PRPSAP1: variants seen among roughly 807,000 people sequenced by gnomAD.
The protein encoded by PRPSAP1 is phosphoribosyl pyrophosphate synthetase associated protein 1, also known as phosphoribosyl pyrophosphate synthase-associated protein 1.
A neutral mutation model predicts 39.4 loss-of-function variants in PRPSAP1; 31 were observed. That is an observed-to-expected ratio of 0.79 (90% confidence interval 0.59 to 1.06). The LOEUF (loss-of-function observed/expected upper bound fraction) is 1.06. PRPSAP1 is among the 50% of genes least tolerant of loss of function. The probability of loss-of-function intolerance (pLI) is 0.00; values close to 1 mark genes in which losing one functional copy is unlikely to be tolerated. For missense variants in PRPSAP1, 430 were observed against 511.6 expected (o/e 0.84, Z 1.54); for synonymous variants, 212 against 192.6 (o/e 1.10, Z -0.83).
At chr17:76,350,635 G>C (rs942340758) in intron 1 of PRPSAP1, among the ~76,000 whole-genome samples, 1 of 152,204 alleles carries the variant, frequency 6.6e-6, no homozygotes, top group Non-Finnish European at 1.5e-5. Flanking sequence ...AATGGGTACA[G>C]AGTTTCTGTT....
chr17:76,318,742 T>C (rs937515118), intron 7 of PRPSAP1, among the ~76,000 whole-genome samples: 4 of 152,154 alleles, frequency 2.6e-5, no homozygotes, highest in Non-Finnish European at 5.9e-5. Flanking sequence ...AGTTGCAATG[T>C]AAACATACCA....
chr17:76,335,773 A>C (rs2071371972), intron 3 of PRPSAP1, among the ~76,000 whole-genome samples: 1 of 152,138 alleles, frequency 6.6e-6, no homozygotes, highest in Non-Finnish European at 1.5e-5. Context: ...TATTGCTTGA[A>C]GCCAGGAGTT....
intron 6 of PRPSAP1, chr17:76,329,107 T>C (rs1427850851): frequency 2.7e-5 from 10 of 365,850 alleles, no homozygotes; most frequent in Admixed American, 9.0e-5. Context: ...GGTCTCACTG[T>C]CACCCAGGCT....
rs1040256656 is a variant in PRPSAP1 at position 76,344,558 on chromosome 17, C to T, written c.290+113G>A. The T allele has an allele frequency of 1.8e-5, 18 of 988,732 alleles. 1 individual carries two copies. Among genetic ancestry groups the T allele is most frequent in the Non-Finnish European group, 2.7e-5 (18 of 662,082 alleles). 61.2% of individuals were successfully genotyped at this position (988,732 alleles called of 1,614,324 possible). On this transcript the variant is annotated intron_variant, in intron 3 of 9. Coordinates refer to ENST00000446526, the MANE Select transcript of PRPSAP1 (RefSeq NM_002766.3). ...GGCATAACAGGCGTGAGCCACACGC[C>T]CGGCCTGAATATATAACTTTTAAAA... is the stretch of plus-strand genomic sequence containing the variant.
chr17:76,329,385 T>G (rs1367284528), intron 6 of PRPSAP1, among the ~76,000 whole-genome samples: 1 of 152,160 alleles, frequency 6.6e-6, no homozygotes, highest in Admixed American at 6.5e-5. Context: ...TAATTTTGAT[T>G]CTATCCTTTG....
chr17:76,328,393 G>C (rs533093816), intron 7 of PRPSAP1, among the ~76,000 whole-genome samples: 3 of 152,254 alleles, frequency 2.0e-5, no homozygotes, highest in East Asian at 1.9e-4. Flanking sequence ...AGCAGATCAC[G>C]AGGTCTGGAG....
chr17:76,345,235 AT>A (rs2071484469), intron 2 of PRPSAP1, among the ~76,000 whole-genome samples: 1 of 89,136 alleles, frequency 1.1e-5, no homozygotes, highest in African/African-American at 6.7e-5. Context: ...ATTCCGTCTC[AT>A]TAAAAAAAAA....
intron 7 of PRPSAP1, among the ~76,000 whole-genome samples, chr17:76,324,995 G>A (rs368444656): frequency 2.0e-5 from 3 of 151,576 alleles, no homozygotes; most frequent in African/African-American, 7.3e-5. Context: ...GTGAACCTGG[G>A]GGGTGGAGCT....
chr17:76,346,638 C>T (rs2071503986), intron 2 of PRPSAP1, among the ~76,000 whole-genome samples: 2 of 152,212 alleles, frequency 1.3e-5, no homozygotes, highest in Admixed American at 6.5e-5. Flanking sequence ...ATTCATTTCA[C>T]TTCCGGAAAG....
intron 7 of PRPSAP1, among the ~76,000 whole-genome samples, chr17:76,320,353 A>AAGGCAGGAAGAAAGAT (rs149763636): frequency 8.4e-6 from 1 of 118,544 alleles, no homozygotes; most frequent in African/African-American, 3.9e-5. Flanking sequence ...GGAAGGAAGG[A>AAGGCAGGAAGAAAGAT]AGAAAAAGGA....
At chr17:76,331,635 G>T (rs1026429805) in intron 4 of PRPSAP1, among the ~76,000 whole-genome samples, 4 of 152,092 alleles carry the variant, frequency 2.6e-5, no homozygotes, top group African/African-American at 9.7e-5. Flanking sequence ...CTGAGGAGCC[G>T]GGGAAGCGGG....
chr17:76,326,914 T>G (rs937683291), intron 7 of PRPSAP1, among the ~76,000 whole-genome samples: 4 of 151,590 alleles, frequency 2.6e-5, no homozygotes, highest in African/African-American at 9.7e-5. Context: ...CGTCTGCAAC[T>G]CACCCTCAAA....
chr17:76,313,041 GTAGGAAAGAAACACCCTC>G (rs771860824), intron 8 of PRPSAP1, 25 bp from the exon 9 acceptor site: 2 of 1,610,314 alleles, frequency 1.2e-6, no homozygotes, highest in African/African-American at 2.7e-5. Context: ...GAGTGAGTTG[GTAGGAAAGAAACACCCTC>G]TAGCCCATAC....
At position 76,344,758 on chromosome 17, in the gene PRPSAP1, GAA is replaced by G. The variant is rs757340758; in HGVS notation, c.224-23_224-22del. The stretch of plus-strand genomic sequence containing the variant: ...TGTTTCTGAAAAATAAAAATGTTCT[GAA>G]GTTTTAAGAAAAGCTCCTATGTTAA... On this transcript the variant is annotated intron_variant, in intron 2 of 9. Coordinates refer to ENST00000446526, the MANE Select transcript of PRPSAP1 (RefSeq NM_002766.3). The G allele has an allele frequency of 1.7e-5, 25 of 1,513,236 alleles. No homozygotes were observed. The South Asian group carries it at 3.0e-4, about 18-fold the overall frequency. The allele number at this position is 1,513,236 out of a possible 1,614,324, so 93.7% of individuals were successfully genotyped here.
At chr17:76,314,939 C>T (rs1232635473) in intron 7 of PRPSAP1, among the ~76,000 whole-genome samples, 4 of 152,186 alleles carry the variant, frequency 2.6e-5, no homozygotes, top group Non-Finnish European at 5.9e-5. Flanking sequence ...AGCGAAACAG[C>T]GAAAGGCTGC....
At chr17:76,342,349 C>G (rs1021874986) in intron 3 of PRPSAP1, among the ~76,000 whole-genome samples, 1 of 152,098 alleles carries the variant, frequency 6.6e-6, no homozygotes, top group African/African-American at 2.4e-5. Flanking sequence ...AGAGCCATCA[C>G]GGTGAAACCC....
intron 7 of PRPSAP1, among the ~76,000 whole-genome samples, chr17:76,328,186 CA>C (rs56020637): frequency 0.3 from 32,422 of 108,644 alleles, 4,673 homozygotes; most frequent in African/African-American, 0.48. Context: ...GATCCTTTCT[CA>C]AAAAAAAAAA....
chr17:76,333,052 C>T (rs959252468), intron 3 of PRPSAP1, among the ~76,000 whole-genome samples: 2 of 151,724 alleles, frequency 1.3e-5, no homozygotes, highest in East Asian at 1.9e-4. Flanking sequence ...CCACCTCGCC[C>T]GGCTAATTTT....
intron 1 of PRPSAP1, among the ~76,000 whole-genome samples, chr17:76,352,047 T>C (rs1446590876): frequency 6.7e-6 from 1 of 149,898 alleles, no homozygotes; most frequent in Non-Finnish European, 1.5e-5. Context: ...ATTCTTCCAC[T>C]CTCCAAAACT....
Sources: gnomAD v4.1 joint callset for allele counts (sites outside exome capture counted in the v4.1 genomes callset) on GRCh38, gnomAD v4.1.1 for gene constraint, MANE v1.5 for transcripts, NCBI Gene and HGNC (gene_info 2026-07-23, HGNC 2026-07-21) for gene names.